Variants in PRPF8 observed in about 807,000 individuals in gnomAD.
The protein encoded by PRPF8 is pre-mRNA-processing-splicing factor 8.
In PRPF8, 64 loss-of-function variants were observed where a neutral mutation model predicts 285.9. That is an observed-to-expected ratio of 0.22 (90% confidence interval 0.18 to 0.28). The LOEUF (loss-of-function observed/expected upper bound fraction) is 0.28. Among genes scored for constraint, PRPF8 ranks in the 10% least tolerant of loss-of-function variants. The pLI is 1.00. For synonymous variants in PRPF8, 1,325 were observed against 1,118.2 expected (o/e 1.18, Z -3.69); for missense variants, 1,426 against 3,026.7 (o/e 0.47, Z 12.41).
At chr17:1,683,446 C>T (rs1038080071) in intron 3 of PRPF8, 87 bp downstream of exon 3, 1 of 1,410,664 alleles carries the variant, frequency 7.1e-7, no homozygotes, top group South Asian at 1.2e-5. Context: ...CCAAGATGAG[C>T]TGTCAAAGCA....
At chr17:1,660,339 T>C in intron 30 of PRPF8, 93 bp downstream of exon 30, 2 of 1,600,416 alleles carry the variant, frequency 1.2e-6, no homozygotes, top group Non-Finnish European at 1.7e-6. Context: ...CTCCCCTCGA[T>C]TCCACCTGAG....
chr17:1,659,745 C>A lies in PRPF8; in HGVS notation c.4946+96G>T. ...CGTAGCACTGGCTCCAAGTTTGAAA[C>A]AAAGGCAGACAGGACAATTCCTAAA... On this transcript the variant is annotated intron_variant, in intron 31 of 42. Coordinates refer to ENST00000304992, the MANE Select transcript of PRPF8 (RefSeq NM_006445.4). This position sits in a 1 kb window ranked among gnomAD's most constrained non-coding sequence, Gnocchi z 5.1. 1 of 1,504,338 alleles carries A rather than the reference C, an allele frequency of 6.6e-7. No individual in the cohort carries two copies. The highest frequency in any genetic ancestry group is 1.2e-5 in the South Asian group (1 of 85,574). The allele number at this position is 1,504,338 out of a possible 1,614,324, so 93.2% of individuals were successfully genotyped here. A position where few individuals can be genotyped will look rare whatever the true frequency, so the allele number is the denominator to read the frequency against.
At position 1,651,527 on chromosome 17, in the gene PRPF8, G is replaced by A. The variant is rs1431875985; in HGVS notation, c.6537C>T (p.His2179=). Residue 2179 remains histidine, a synonymous_variant, in exon 41 of 43, where the codon CAC becomes CAT. Coordinates refer to ENST00000304992, the MANE Select transcript of PRPF8 (RefSeq NM_006445.4). This position sits in a 1 kb window ranked among gnomAD's most constrained non-coding sequence, Gnocchi z 5.1. ...ACTGCGGGGACTCATTGGGCTGAGTGTGGATCCAACCTAAGGGTTCCATCT... is the reference window on the plus strand; with the variant it reads ...ACTGCGGGGACTCATTGGGCTGAGTATGGATCCAACCTAAGGGTTCCATCT... ...LKEMEPLGWI[H]TQPNESPQLS... 4.3e-6 allele frequency: 7 copies of A among 1,614,040 alleles called. No individual in the cohort carries two copies. The highest frequency in any genetic ancestry group is 5.1e-6 in the Non-Finnish European group (6 of 1,180,042).
In PRPF8 at chr17:1,659,166, C is replaced by T; in HGVS notation, c.5138+191G>A. Reference sequence around the variant, plus strand: ...TCAACCTTCTGAGTAGCTGGGACTACAGGCGTGGACCACCACGCCCAGCTA... The same window carrying T: ...TCAACCTTCTGAGTAGCTGGGACTATAGGCGTGGACCACCACGCCCAGCTA... On this transcript the variant is annotated intron_variant, in intron 32 of 42. Transcript: ENST00000304992. This position sits in a 1 kb window ranked among gnomAD's most constrained non-coding sequence, Gnocchi z 5.1. 1 of 698,588 alleles carries T rather than the reference C, an allele frequency of 1.4e-6. No homozygotes were observed. The highest frequency in any genetic ancestry group is 2.5e-6 in the Non-Finnish European group (1 of 396,428). 43.3% of individuals were successfully genotyped at this position (698,588 alleles called of 1,614,324 possible). A position where few individuals can be genotyped will look rare whatever the true frequency, so the allele number is the denominator to read the frequency against.
At position 1,684,754 on chromosome 17, in the gene PRPF8, C is replaced by T. The variant is rs181057963; in HGVS notation, c.-12+26G>A. 6.1e-6 allele frequency: 4 copies of T among 657,770 alleles called. No individual in the cohort carries two copies. The Admixed American group carries it at 1.0e-4, about 16-fold the overall frequency. 40.7% of individuals were successfully genotyped at this position (657,770 alleles called of 1,614,324 possible). A position where few individuals can be genotyped will look rare whatever the true frequency, so the allele number is the denominator to read the frequency against. Reference sequence around the variant, plus strand: ...CCCGACCCGACCACGCCTCCCGCAGCCCGGCCTTAAACGCCTGCCACGCAC... The same window carrying T: ...CCCGACCCGACCACGCCTCCCGCAGTCCGGCCTTAAACGCCTGCCACGCAC... On this transcript the variant is annotated intron_variant, in intron 1 of 42. Transcript: ENST00000304992.
Position 1,656,770 on chromosome 17 carries a change from C to G in PRPF8, c.5506-9G>C. On this transcript the variant is annotated splice_polypyrimidine_tract_variant and intron_variant, in intron 34 of 42. Transcript: ENST00000304992. ...GTCTTCCACTTAGCCAACTTAAAAGCAAGAGAGAAGAAAATGGAAATTTAG... is the reference window on the plus strand; with the variant it reads ...GTCTTCCACTTAGCCAACTTAAAAGGAAGAGAGAAGAAAATGGAAATTTAG... 6.2e-7 allele frequency: 1 copy of G among 1,612,748 alleles called. No individual in the cohort carries two copies. Among genetic ancestry groups the G allele is most frequent in the South Asian group, 1.1e-5 (1 of 90,968 alleles).
At position 1,661,169 on chromosome 17, in the gene PRPF8, G is replaced by A. The variant is rs1911661181; in HGVS notation, c.4339-7C>T. The A allele has an allele frequency of 6.2e-7, 1 of 1,614,126 alleles. No homozygotes were observed. The highest frequency in any genetic ancestry group is 8.5e-7 in the Non-Finnish European group (1 of 1,180,036). ...ACGGATTCTGCTTCAAAACCTAGAT[G>A]GCAAGGCAGGCACGGTCAAGCTTCT... On this transcript the variant is annotated splice_polypyrimidine_tract_variant and splice_region_variant and intron_variant, in intron 27 of 42. Transcript: ENST00000304992. This position sits in a 1 kb window ranked among gnomAD's most constrained non-coding sequence, Gnocchi z 7.3.
At position 1,659,274 on chromosome 17, in the gene PRPF8, C is replaced by A; in HGVS notation, c.5138+83G>T. ...CTCCTGAGCTCAGACAATCTGCCCA[C>A]CGCGGCCTCCCAAAGTGCTGGGATT... On this transcript the variant is annotated intron_variant, in intron 32 of 42. Transcript: ENST00000304992. This position sits in a 1 kb window ranked among gnomAD's most constrained non-coding sequence, Gnocchi z 5.1. 1.3e-6 allele frequency: 2 copies of A among 1,495,168 alleles called. No homozygotes were observed. The highest frequency in any genetic ancestry group is 1.9e-6 in the Non-Finnish European group (2 of 1,075,338). The allele number at this position is 1,495,168 out of a possible 1,614,324, so 92.6% of individuals were successfully genotyped here. A position where few individuals can be genotyped will look rare whatever the true frequency, so the allele number is the denominator to read the frequency against.
intron 37 of PRPF8, chr17:1,654,274 A>T (rs775696514): frequency 1.3e-5 from 8 of 603,908 alleles, no homozygotes; most frequent in Non-Finnish European, 2.4e-5. Context: ...CCTTGACCAA[A>T]ACAATGCTCT....
intron 13 of PRPF8, among the ~76,000 whole-genome samples, chr17:1,677,899 G>A (rs1263967562): frequency 6.6e-6 from 1 of 152,090 alleles, no homozygotes; most frequent in Non-Finnish European, 1.5e-5. Flanking sequence ...GCAAAAACCA[G>A]GAACTAAGAT....
chr17:1,662,061 C>G lies in PRPF8; in HGVS notation c.3867G>C (p.Val1289=). The part of the protein sequence containing the change: ...VNTQELLDLL[V]KCENKIQTRI... ...GTGTCTGGATTTTGTTCTCACACTT[C>G]ACCAGTAAGTCCAAGAGCTCTTGGG... The change falls in exon 25 of 43, where the codon GTG becomes GTC. Residue 1289 remains valine (V), a synonymous_variant. Coordinates refer to ENST00000304992, the MANE Select transcript of PRPF8 (RefSeq NM_006445.4). 1 of 1,614,100 alleles carries G rather than the reference C, an allele frequency of 6.2e-7. No individual in the cohort carries two copies. The highest frequency in any genetic ancestry group is 8.5e-7 in the Non-Finnish European group (1 of 1,180,032).
Position 1,653,699 on chromosome 17 carries a change from GAGTGTC to G in PRPF8, c.6228-22_6228-17del. The G allele has an allele frequency of 6.2e-7, 1 of 1,614,148 alleles. No individual in the cohort carries two copies. Among genetic ancestry groups the G allele is most frequent in the Non-Finnish European group, 8.5e-7 (1 of 1,180,030 alleles). On this transcript the variant is annotated splice_polypyrimidine_tract_variant and intron_variant, in intron 38 of 42. Coordinates refer to ENST00000304992, the MANE Select transcript of PRPF8 (RefSeq NM_006445.4). This position sits in a 1 kb window ranked among gnomAD's most constrained non-coding sequence, Gnocchi z 4.9. The stretch of plus-strand genomic sequence containing the variant: ...AGAGATGGCCCTAAAAACAGGCAGG[GAGTGTC>G]AGCATCGCTCAGCCCAGCACCTTAG...
chr17:1,673,756 C>A lies in PRPF8; in HGVS notation c.3436G>T (p.Asp1146Tyr). 6.2e-7 allele frequency: 1 copy of A among 1,614,108 alleles called. No individual in the cohort carries two copies. The highest frequency in any genetic ancestry group is 8.5e-7 in the Non-Finnish European group (1 of 1,180,040). Residue 1146 changes from aspartate to tyrosine, a missense_variant, in exon 22 of 43, where the codon GAT becomes TAT. Asp to Tyr is a radical substitution (Grantham distance 160). Transcript: ENST00000304992. The surrounding 1 kb of genome is among the most constrained non-coding windows in gnomAD (Gnocchi z 5.5). The part of the protein sequence containing the change: ...RDARMRLMKH[D>Y]VNLGRAVFWD... ...CCAACCTAGACTCACAAGTTAACATCATGTTTCATGAGGCGCATGCGGGCA... is the reference window on the plus strand; with the variant it reads ...CCAACCTAGACTCACAAGTTAACATAATGTTTCATGAGGCGCATGCGGGCA...
At position 1,678,759 on chromosome 17, in the gene PRPF8, T is replaced by C; in HGVS notation, c.1719+3A>G. ...GGCAGGGGTTGGGAATACCTAACCT[T>C]ACCTGGAAGGCATCCACATTGCCCA... is the stretch of plus-strand genomic sequence containing the variant. On this transcript the variant is annotated splice_donor_region_variant and intron_variant, in intron 12 of 42. Transcript: ENST00000304992. The C allele has an allele frequency of 1.9e-6, 3 of 1,613,994 alleles. No individual in the cohort carries two copies. Among genetic ancestry groups the C allele is most frequent in the Non-Finnish European group, 2.5e-6 (3 of 1,180,010 alleles).
chr17:1,657,203 T>C (rs189261327), intron 34 of PRPF8, among the ~76,000 whole-genome samples: 2 of 152,196 alleles, frequency 1.3e-5, no homozygotes, highest in East Asian at 3.9e-4. Flanking sequence ...GAATGTAAGA[T>C]GAAACATGCT....
At chr17:1,665,824 TGAGA>T (rs1367184889) in intron 24 of PRPF8, among the ~76,000 whole-genome samples, 1 of 137,564 alleles carries the variant, frequency 7.3e-6, no homozygotes, top group African/African-American at 2.8e-5. Flanking sequence ...CCAGCCTGGG[TGAGA>T]GAGTGAGACT....
In PRPF8 at chr17:1,651,169, C is replaced by T. The variant is rs369391284; in HGVS notation, c.6792G>A (p.Ser2264=). The part of the protein sequence containing the change: ...SHYERVQMLL[S]DRFLGFFMVP... The stretch of plus-strand genomic sequence containing the variant: ...CCATGAAGAAGCCAAGGAAACGGTC[C>T]GACAGCAGCATCTGCACCCTCTCAT... The change falls in exon 42 of 43, where the codon TCG becomes TCA. Residue 2264 remains serine (S), a synonymous_variant. Coordinates refer to ENST00000304992, the MANE Select transcript of PRPF8 (RefSeq NM_006445.4). This position sits in a 1 kb window ranked among gnomAD's most constrained non-coding sequence, Gnocchi z 5.1. 171 of 1,614,124 alleles carry T rather than the reference C, an allele frequency of 1.1e-4. No homozygotes were observed. The African/African-American group carries it at 1.7e-3, about 16-fold the overall frequency.
Position 1,679,113 on chromosome 17 carries a change from G to A in PRPF8, c.1503C>T (p.Tyr501=), listed in dbSNP as rs761806968. Residue 501 remains tyrosine, a synonymous_variant, in exon 11 of 43, where the codon TAC becomes TAT. Transcript: ENST00000304992. The surrounding 1 kb of genome is among the most constrained non-coding windows in gnomAD (Gnocchi z 4.7). ...EVGLQVCRQG[Y]NMLNLLIHRK... ...GGTGAATGAGAAGGTTGAGCATGTT[G>A]TAGCCCTGGCGGCAAACCTGGAGCC... The A allele has an allele frequency of 4.3e-5, 70 of 1,614,084 alleles. No homozygotes were observed. Among genetic ancestry groups the A allele is most frequent in the Non-Finnish European group, 4.3e-5 (51 of 1,180,040 alleles).
intron 13 of PRPF8, 154 bp downstream of exon 13, chr17:1,678,364 T>C (rs1912725155): frequency 3.1e-6 from 3 of 962,292 alleles, no homozygotes; most frequent in Non-Finnish European, 4.9e-6. Flanking sequence ...GCACCTGTAA[T>C]CCCAGCTACT....
Sources: allele counts gnomAD v4.1 joint callset (sites outside exome capture counted in the v4.1 genomes callset), GRCh38; gene constraint gnomAD v4.1.1; non-coding constraint Gnocchi (gnomAD v3.1); transcripts MANE v1.5; gene names NCBI Gene and HGNC (gene_info 2026-07-23, HGNC 2026-07-21).